The following SLC12A2 variants were observed in gnomAD, a reference collection of about 807,000 sequenced individuals.
SLC12A2 encodes Na-K-2Cl cotransporter 1.
Under a neutral mutation model 136.3 loss-of-function variants are expected in SLC12A2, and 67 were observed. The observed-to-expected ratio is 0.49, with a 90% CI of 0.40 to 0.60. SLC12A2 has a LOEUF of 0.60. Among genes scored for constraint, SLC12A2 ranks in the 20% least tolerant of loss-of-function variants. The probability of loss-of-function intolerance (pLI) is 0.00; values close to 1 mark genes in which losing one functional copy is unlikely to be tolerated. For missense variants in SLC12A2, 1,322 were observed against 1,534.7 expected (o/e 0.86, Z 2.32); for synonymous variants, 619 against 562.9 (o/e 1.10, Z -1.41).
rs115004285 is a variant in SLC12A2, at chr5:128,163,829, G to T, written c.2616+2029G>T. 2.0e-3 allele frequency among the ~76,000 whole-genome samples: 302 copies of T among 152,264 alleles called. 2 individuals carry two copies. The highest frequency in any genetic ancestry group is 4.9e-3 in the Admixed American group (75 of 15,284). On this transcript the variant is annotated intron_variant, in intron 17 of 26. Transcript: ENST00000262461. ...CATAGTAAAAATGCAAAGAGAACATGAAGATACAGTGGAGGCTTTACTGTG... is the reference window on the plus strand; with the variant it reads ...CATAGTAAAAATGCAAAGAGAACATTAAGATACAGTGGAGGCTTTACTGTG...
intron 20 of SLC12A2, among the ~76,000 whole-genome samples, chr5:128,176,237 T>C (rs1446920554): frequency 6.6e-6 from 1 of 152,012 alleles, no homozygotes; most frequent in Non-Finnish European, 1.5e-5. Flanking sequence ...GCTTAAGAGG[T>C]AGGTACTAAT....
chr5:128,110,376 C>G, intron 1 of SLC12A2: 1 of 995,630 alleles, frequency 1.0e-6, no homozygotes, highest in Non-Finnish European at 1.6e-6. Flanking sequence ...CACGGGTCCT[C>G]CCTGGGAAAG....
intron 18 of SLC12A2, chr5:128,170,661 G>C (rs1003500733): frequency 6.6e-6 from 1 of 152,116 alleles, no homozygotes; most frequent in Non-Finnish European, 1.5e-5. Context: ...TGACGTTTTG[G>C]AATTTAAAAT....
chr5:128,121,582 A>G (rs999378767), intron 4 of SLC12A2, among the ~76,000 whole-genome samples: 4 of 152,136 alleles, frequency 2.6e-5, no homozygotes, highest in African/African-American at 9.6e-5. Context: ...TCAGCCTCCC[A>G]AAGTGCTGGG....
intron 19 of SLC12A2, among the ~76,000 whole-genome samples, chr5:128,173,156 G>A (rs1763436401): frequency 6.6e-6 from 1 of 152,096 alleles, no homozygotes; most frequent in Non-Finnish European, 1.5e-5. Context: ...TATTTAAACT[G>A]TTTTAATCTT....
intron 26 of SLC12A2, among the ~76,000 whole-genome samples, 192 bp downstream of exon 26, chr5:128,185,048 T>C (rs1349845951): frequency 3.3e-5 from 5 of 152,178 alleles, no homozygotes; most frequent in Admixed American, 1.3e-4. Flanking sequence ...CTTATGCTTA[T>C]ATGAATCCCA....
rs1581144369 is a variant in SLC12A2 at position 128,183,134 on chromosome 5, G to A, written c.3299+193G>A. 2.0e-5 allele frequency among the ~76,000 whole-genome samples: 3 copies of A among 152,176 alleles called. No individual in the cohort carries two copies. The South Asian group carries it at 6.2e-4, about 32-fold the overall frequency. ...AAGTCTAAAGAGTTTTCAATATTCA[G>A]AGAGGATTTAAATTACAGCTTTACA... is the stretch of plus-strand genomic sequence containing the variant. On this transcript the variant is annotated intron_variant, in intron 24 of 26. Coordinates refer to ENST00000262461, the MANE Select transcript of SLC12A2 (RefSeq NM_001046.3).
At chr5:128,142,154 G>A (rs1337290125) in intron 10 of SLC12A2, among the ~76,000 whole-genome samples, 173 bp downstream of exon 10, 1 of 152,134 alleles carries the variant, frequency 6.6e-6, no homozygotes, top group African/African-American at 2.4e-5. Context: ...CCAGGCTGTA[G>A]TGCGGTGGTG....
intron 17 of SLC12A2, among the ~76,000 whole-genome samples, chr5:128,165,989 T>C (rs1763191714): frequency 7.3e-6 from 1 of 136,506 alleles, no homozygotes; most frequent in Admixed American, 7.7e-5. Flanking sequence ...ATGAATATTT[T>C]TATCTGCCTC....
chr5:128,186,460 G>GTT, intron 26 of SLC12A2, 36 bp from the exon 27 acceptor site: 1 of 1,402,160 alleles, frequency 7.1e-7, no homozygotes, highest in South Asian at 1.3e-5. Context: ...CATTGCTCAG[G>GTT]GTTTTTTTTT....
intron 1 of SLC12A2, among the ~76,000 whole-genome samples, chr5:128,094,643 T>C (rs923509193): frequency 1.2e-4 from 19 of 152,088 alleles, no homozygotes; most frequent in African/African-American, 4.6e-4. Flanking sequence ...AGTGTATGGA[T>C]GTATCTCTTC....
intron 4 of SLC12A2, among the ~76,000 whole-genome samples, chr5:128,126,243 C>A (rs912663015): frequency 6.6e-6 from 1 of 151,972 alleles, no homozygotes; most frequent in African/African-American, 2.4e-5. Flanking sequence ...TCTAATAATC[C>A]AGTTTAAAAA....
chr5:128,123,919 G>A (rs919801412), intron 4 of SLC12A2, among the ~76,000 whole-genome samples: 1 of 152,010 alleles, frequency 6.6e-6, no homozygotes, highest in African/African-American at 2.4e-5. Context: ...ACAGCTTTAG[G>A]TTTTCAGCTA....
At chr5:128,126,414 T>C (rs1409862188) in intron 4 of SLC12A2, among the ~76,000 whole-genome samples, 1 of 152,092 alleles carries the variant, frequency 6.6e-6, no homozygotes, top group African/African-American at 2.4e-5. Context: ...AAAATAGAAC[T>C]CTTGTACACT....
At chr5:128,135,307 T>G (rs112496003) in intron 6 of SLC12A2, among the ~76,000 whole-genome samples, 125 of 152,194 alleles carry the variant, frequency 8.2e-4, no homozygotes, top group African/African-American at 2.9e-3. Flanking sequence ...AAACTTGTGT[T>G]TGTGTCCAGC....
intron 4 of SLC12A2, 35 bp from the exon 5 acceptor site, chr5:128,131,032 G>A (rs778735285): frequency 2.5e-6 from 4 of 1,603,290 alleles, no homozygotes; most frequent in African/African-American, 2.7e-5. Context: ...CCTAACTTTA[G>A]TACCTGTTTT....
At chr5:128,171,871 G>T in intron 19 of SLC12A2, 125 bp downstream of exon 19, 1 of 585,446 alleles carries the variant, frequency 1.7e-6, no homozygotes, top group South Asian at 2.7e-5. Context: ...CTTATTGTAT[G>T]GCATTTTAAG....
At chr5:128,126,304 A>T (rs894157353) in intron 4 of SLC12A2, among the ~76,000 whole-genome samples, 1 of 152,206 alleles carries the variant, frequency 6.6e-6, no homozygotes, top group South Asian at 2.1e-4. Context: ...TACAAATGGC[A>T]AGCAGGCATA....
At chr5:128,168,099 C>T (rs909171330) in intron 18 of SLC12A2, 2 of 345,762 alleles carry the variant, frequency 5.8e-6, no homozygotes, top group Admixed American at 9.6e-5. Context: ...CACACACACA[C>T]ACATATATGT....
Sources: gnomAD v4.1 joint callset for allele counts (sites outside exome capture counted in the v4.1 genomes callset) on GRCh38, gnomAD v4.1.1 for gene constraint, MANE v1.5 for transcripts, NCBI Gene and HGNC (gene_info 2026-07-23, HGNC 2026-07-21) for gene names.